Variants in USP6NL observed in about 807,000 individuals in gnomAD.
USP6NL encodes USP6 N-terminal like.
USP6NL carries 26 observed loss-of-function variants against 61.9 expected under a neutral mutation model. The ratio of observed to expected loss-of-function variants is 0.42; its 90% CI spans 0.31 to 0.58. USP6NL has a LOEUF of 0.58. USP6NL is among the 20% of genes least tolerant of loss of function. USP6NL has a pLI of 0.16. For missense variants in USP6NL, 1,114 were observed against 1,034.3 expected (o/e 1.08, Z -1.06); for synonymous variants, 432 against 390.1 (o/e 1.11, Z -1.27).
intron 2 of USP6NL, among the ~76,000 whole-genome samples, chr10:11,544,612 C>T (rs1041671449): frequency 2.6e-5 from 4 of 152,084 alleles, no homozygotes; most frequent in Non-Finnish European, 1.5e-5. Flanking sequence ...CTCAGCCTCC[C>T]GAGTAGCTGG....
At chr10:11,534,112 C>G (rs918583621) in intron 2 of USP6NL, among the ~76,000 whole-genome samples, 6 of 151,968 alleles carry the variant, frequency 3.9e-5, no homozygotes, top group African/African-American at 1.2e-4. Context: ...ATCTGATCAC[C>G]CTGGCCTGTC....
chr10:11,572,290 A>C (rs958020087), intron 2 of USP6NL, among the ~76,000 whole-genome samples: 1 of 152,092 alleles, frequency 6.6e-6, no homozygotes, highest in African/African-American at 2.4e-5. Flanking sequence ...AATTGTTAGA[A>C]TCCTGCTATT....
At chr10:11,573,450 G>A (rs1380297008) in intron 2 of USP6NL, 1 of 390,252 alleles carries the variant, frequency 2.6e-6, no homozygotes, top group Non-Finnish European at 4.5e-6. Context: ...TAACAATTAT[G>A]CCATTACCTG....
intron 14 of USP6NL, among the ~76,000 whole-genome samples, chr10:11,466,824 C>T (rs1433885784): frequency 6.6e-6 from 1 of 152,178 alleles, no homozygotes; most frequent in Non-Finnish European, 1.5e-5. Context: ...CTCAATACTG[C>T]AGGGTCACTG....
At chr10:11,535,171 G>T (rs1442023054) in intron 2 of USP6NL, among the ~76,000 whole-genome samples, 1 of 152,118 alleles carries the variant, frequency 6.6e-6, no homozygotes, top group African/African-American at 2.4e-5. Flanking sequence ...AGAGGCAATG[G>T]GCCCTGTTTG....
At chr10:11,555,433 A>AAAAAAAAAATATAT (rs1275798295) in intron 2 of USP6NL, among the ~76,000 whole-genome samples, 1 of 49,030 alleles carries the variant, frequency 2.0e-5, no homozygotes, top group Non-Finnish European at 3.4e-5. Context: ...AAAAAAAAAA[A>AAAAAAAAAATATAT]ATATATATAT....
Position 11,463,104 on chromosome 10 carries a change from CTGTACT to C in USP6NL, c.1818_1823del (p.Val607_Gln608del), listed in dbSNP as rs2096223476. 6.2e-7 allele frequency: 1 copy of C among 1,613,896 alleles called. No individual in the cohort carries two copies. The highest frequency in any genetic ancestry group is 1.7e-5 in the Admixed American group (1 of 60,002). On this transcript the variant is annotated inframe_deletion, in exon 15 of 15. Coordinates refer to ENST00000609104, the MANE Select transcript of USP6NL (RefSeq NM_014688.5). The surrounding 1 kb of genome is among the most constrained non-coding windows in gnomAD (Gnocchi z 6.3). ...ACGGATATCGTGCATGACTTGGAGG[CTGTACT>C]TTAAAAGTAAACTTGTTGGATACTT...
intron 7 of USP6NL, among the ~76,000 whole-genome samples, chr10:11,500,642 G>A (rs1438124748): frequency 5.9e-5 from 9 of 152,134 alleles, no homozygotes; most frequent in Non-Finnish European, 1.3e-4. Flanking sequence ...TTGGGGCAAA[G>A]TCATCTTTTT....
chr10:11,544,152 A>T (rs1836183637), intron 2 of USP6NL, among the ~76,000 whole-genome samples: 1 of 151,408 alleles, frequency 6.6e-6, no homozygotes, highest in Non-Finnish European at 1.5e-5. Flanking sequence ...CAAATGTTCC[A>T]CCCTCAATTC....
chr10:11,507,185 G>T (rs11257134), intron 6 of USP6NL, among the ~76,000 whole-genome samples: 12,531 of 152,196 alleles, frequency 0.082, 612 homozygotes, highest in South Asian at 0.19. Context: ...GGCATATGTA[G>T]ACCACAGAAT....
chr10:11,477,769 C>T (rs1376812711), intron 14 of USP6NL, among the ~76,000 whole-genome samples: 1 of 152,054 alleles, frequency 6.6e-6, no homozygotes, highest in Admixed American at 6.5e-5. Context: ...CCAAGAATTG[C>T]AATGAATCAT....
intron 14 of USP6NL, among the ~76,000 whole-genome samples, chr10:11,475,176 A>C (rs1014724512): frequency 6.6e-6 from 1 of 152,168 alleles, no homozygotes; most frequent in Non-Finnish European, 1.5e-5. Context: ...CAGTAAACAG[A>C]AAACTAGGAA....
intron 5 of USP6NL, among the ~76,000 whole-genome samples, chr10:11,516,133 T>G (rs560784412): frequency 1.6e-4 from 25 of 152,228 alleles, no homozygotes; most frequent in Non-Finnish European, 2.9e-4. Flanking sequence ...CTTAAGTGCC[T>G]GTTTGGGGGA....
rs1477971909 is a variant in USP6NL at position 11,585,415 on chromosome 10, TA to T, written c.4+12215del. Among the ~76,000 whole-genome samples, 1 of 152,184 alleles carries T rather than the reference TA, an allele frequency of 6.6e-6. No individual in the cohort carries two copies. The highest frequency in any genetic ancestry group is 2.4e-5 in the African/African-American group (1 of 41,432). ...TGTACACCCATGGTTCACAGCAGCA[TA>T]ATTCGCAACAGCCAAAAGGTGGAAG... On this transcript the variant is annotated intron_variant, in intron 2 of 14. Coordinates refer to ENST00000609104, the MANE Select transcript of USP6NL (RefSeq NM_014688.5). This position sits in a 1 kb window ranked among gnomAD's most constrained non-coding sequence, Gnocchi z 4.5.
At chr10:11,580,468 G>A (rs113645410) in intron 2 of USP6NL, among the ~76,000 whole-genome samples, 3 of 152,086 alleles carry the variant, frequency 2.0e-5, no homozygotes, top group Non-Finnish European at 4.4e-5. Flanking sequence ...AAAAAAATGG[G>A]AAATAATCGA....
At position 11,463,690 on chromosome 10, in the gene USP6NL, T is replaced by C; in HGVS notation, c.1238A>G (p.Glu413Gly). The C allele has an allele frequency of 6.2e-7, 1 of 1,613,566 alleles. No homozygotes were observed. The highest frequency in any genetic ancestry group is 8.5e-7 in the Non-Finnish European group (1 of 1,179,690). Residue 413 changes from glutamate to glycine, a missense_variant, in exon 15 of 15, where the codon GAG becomes GGG. By Grantham distance (98) the Glu-to-Gly change is moderately conservative (BLOSUM62 -2). Coordinates refer to ENST00000609104, the MANE Select transcript of USP6NL (RefSeq NM_014688.5). This position sits in a 1 kb window ranked among gnomAD's most constrained non-coding sequence, Gnocchi z 6.3. ...RESGAPHRRHEHSPHPQSRTG... is the reference protein window; with the variant it reads ...RESGAPHRRHGHSPHPQSRTG... ...CCTGCTCTGGGGGTGCGGGGAGTGC[T>C]CGTGCCTCCTGTGGGGCGCCCCGCT...
intron 2 of USP6NL, among the ~76,000 whole-genome samples, chr10:11,552,822 AT>A (rs1260293578): frequency 6.6e-6 from 1 of 152,088 alleles, no homozygotes; most frequent in East Asian, 1.9e-4. Flanking sequence ...CTGCTTTATT[AT>A]TTTTTTAATA....
chr10:11,479,475 G>A (rs766214347), intron 14 of USP6NL, among the ~76,000 whole-genome samples: 1 of 151,730 alleles, frequency 6.6e-6, no homozygotes, highest in Non-Finnish European at 1.5e-5. Context: ...TGTGGGCCTA[G>A]GAAAACAGGC....
intron 2 of USP6NL, among the ~76,000 whole-genome samples, chr10:11,534,746 G>A (rs1835772754): frequency 6.6e-6 from 1 of 151,978 alleles, no homozygotes; most frequent in Admixed American, 6.5e-5. Context: ...TAGGGATTAT[G>A]TTTCCTTCCC....
Sources: allele counts gnomAD v4.1 joint callset (sites outside exome capture counted in the v4.1 genomes callset), GRCh38; gene constraint gnomAD v4.1.1; non-coding constraint Gnocchi (gnomAD v3.1); transcripts MANE v1.5; gene names NCBI Gene and HGNC (gene_info 2026-07-23, HGNC 2026-07-21).